Variants in PRKN observed in about 807,000 individuals in gnomAD.
PRKN encodes the protein E3 ubiquitin-protein ligase parkin.
Under a neutral mutation model 59.5 loss-of-function variants are expected in PRKN, and 56 were observed. That is an observed-to-expected ratio of 0.94 (90% confidence interval 0.76 to 1.18). The LOEUF is 1.18. Ranked by LOEUF, PRKN falls within the 50% of genes most tolerant of loss-of-function variation. The pLI is 0.00. For missense variants in PRKN, 657 were observed against 596.4 expected (o/e 1.10, Z -1.06); for synonymous variants, 250 against 222.1 (o/e 1.13, Z -1.12).
chr6:162,086,530 G>C (rs998357865), intron 4 of PRKN, among the ~76,000 whole-genome samples: 3 of 152,130 alleles, frequency 2.0e-5, no homozygotes, highest in African/African-American at 7.2e-5. Context: ...ATTTAAAAAT[G>C]TGTTAAGATG....
intron 6 of PRKN, among the ~76,000 whole-genome samples, chr6:161,931,403 A>G (rs1349460512): frequency 6.6e-6 from 1 of 152,074 alleles, no homozygotes; most frequent in Non-Finnish European, 1.5e-5. Flanking sequence ...ACACCACTGC[A>G]CTCCAGCCTC....
intron 4 of PRKN, among the ~76,000 whole-genome samples, chr6:162,081,728 A>C (rs1397057259): frequency 6.6e-6 from 1 of 152,146 alleles, no homozygotes. Flanking sequence ...CAAGAGAGTC[A>C]GCCTGTTCTT....
intron 1 of PRKN, among the ~76,000 whole-genome samples, chr6:162,453,286 C>T (rs1268836754): frequency 6.6e-6 from 1 of 152,140 alleles, no homozygotes; most frequent in African/African-American, 2.4e-5. Context: ...GGTTCTTTGA[C>T]GAGGGTGTAT....
chr6:162,501,019 T>G (rs1793338813), intron 1 of PRKN, among the ~76,000 whole-genome samples: 1 of 152,082 alleles, frequency 6.6e-6, no homozygotes, highest in Non-Finnish European at 1.5e-5. Context: ...TTTGAAAAAC[T>G]AGCCAGGCAT....
chr6:162,341,280 G>T (rs935625017), intron 2 of PRKN, among the ~76,000 whole-genome samples: 1 of 152,154 alleles, frequency 6.6e-6, no homozygotes, highest in African/African-American at 2.4e-5. Context: ...AGGATGTGGA[G>T]AAATAGAAAC....
intron 7 of PRKN, among the ~76,000 whole-genome samples, chr6:161,673,684 G>A (rs758212201): frequency 3.6e-4 from 55 of 152,176 alleles, no homozygotes; most frequent in Non-Finnish European, 8.8e-5. Context: ...TCAGCTGGGG[G>A]CTGTTGCAGT....
chr6:161,867,152 T>G (rs1340009068), intron 6 of PRKN, among the ~76,000 whole-genome samples: 2 of 152,222 alleles, frequency 1.3e-5, no homozygotes, highest in African/African-American at 4.8e-5. Flanking sequence ...GCGAGTTGAT[T>G]TTGTCTTTCC....
chr6:162,079,668 C>G (rs1463854618), intron 4 of PRKN, among the ~76,000 whole-genome samples: 1 of 152,044 alleles, frequency 6.6e-6, no homozygotes. Context: ...GCCCACTTCC[C>G]TCCTTCCCCA....
chr6:161,683,381 G>A (rs1227736657), intron 7 of PRKN, among the ~76,000 whole-genome samples: 3 of 152,174 alleles, frequency 2.0e-5, no homozygotes, highest in Non-Finnish European at 4.4e-5. Flanking sequence ...CTCGATCTTA[G>A]CCAAAAGTCT....
intron 1 of PRKN, among the ~76,000 whole-genome samples, chr6:162,458,583 CA>C (rs750363573): frequency 6.6e-6 from 1 of 150,944 alleles, no homozygotes; most frequent in African/African-American, 2.4e-5. Flanking sequence ...CTTTTCCTCC[CA>C]GAGATGGGAC....
chr6:162,665,400 G>A (rs1779062804), intron 1 of PRKN, among the ~76,000 whole-genome samples: 1 of 151,978 alleles, frequency 6.6e-6, no homozygotes, highest in Non-Finnish European at 1.5e-5. Context: ...CAGGCAAGCA[G>A]AGAGACAAAT....
chr6:162,317,313 A>G (rs1782795373), intron 2 of PRKN, among the ~76,000 whole-genome samples: 1 of 152,004 alleles, frequency 6.6e-6, no homozygotes, highest in African/African-American at 2.4e-5. Context: ...CTCAAGAGAT[A>G]CGACTGTTTT....
intron 5 of PRKN, among the ~76,000 whole-genome samples, chr6:161,991,167 G>A (rs562318839): frequency 1.3e-5 from 2 of 152,278 alleles, no homozygotes; most frequent in Admixed American, 6.5e-5. Flanking sequence ...AAAAAGAAAG[G>A]AGAAATTAAG....
intron 5 of PRKN, among the ~76,000 whole-genome samples, chr6:162,008,969 G>C (rs1010924235): frequency 6.6e-6 from 1 of 151,876 alleles, no homozygotes; most frequent in Non-Finnish European, 1.5e-5. Flanking sequence ...AACAGGTGAG[G>C]TGTGGCCAAG....
At chr6:161,763,032 A>C (rs997328336) in intron 7 of PRKN, among the ~76,000 whole-genome samples, 1 of 152,230 alleles carries the variant, frequency 6.6e-6, no homozygotes, top group Admixed American at 6.5e-5. Flanking sequence ...GTTTCTTAAG[A>C]TAAGTCCTGA....
intron 7 of PRKN, among the ~76,000 whole-genome samples, chr6:161,750,014 T>C (rs1788609157): frequency 6.6e-6 from 1 of 152,072 alleles, no homozygotes; most frequent in Non-Finnish European, 1.5e-5. Flanking sequence ...AACTCCTTTA[T>C]ATAGGAATAG....
chr6:161,893,525 T>C (rs1165251981), intron 6 of PRKN, among the ~76,000 whole-genome samples: 1 of 152,196 alleles, frequency 6.6e-6, no homozygotes, highest in African/African-American at 2.4e-5. Context: ...ATCACTACGT[T>C]ACTGTTGCAG....
chr6:161,682,309 AAG>A (rs1328564770), intron 7 of PRKN, among the ~76,000 whole-genome samples: 36 of 152,336 alleles, frequency 2.4e-4, no homozygotes, highest in Admixed American at 1.4e-3. Flanking sequence ...CGGGGAGGAA[AAG>A]AGAGCCGGGA....
intron 2 of PRKN, among the ~76,000 whole-genome samples, chr6:162,385,950 T>C (rs1210791076): frequency 2.0e-5 from 3 of 152,186 alleles, no homozygotes; most frequent in African/African-American, 7.2e-5. Flanking sequence ...ATAGGTCCTC[T>C]TGTCCTATTG....
Sources: gnomAD v4.1 joint callset for allele counts (sites outside exome capture counted in the v4.1 genomes callset) on GRCh38, gnomAD v4.1.1 for gene constraint, MANE v1.5 for transcripts, NCBI Gene and HGNC (gene_info 2026-07-23, HGNC 2026-07-21) for gene names.